The following MYT1L variants were observed in gnomAD, a reference collection of about 807,000 sequenced individuals.
MYT1L encodes the protein myelin transcription factor 1-like protein.
In MYT1L, 12 loss-of-function variants were observed where a neutral mutation model predicts 126.7. The observed-to-expected ratio is 0.09, with a 90% CI of 0.06 to 0.15. MYT1L has a LOEUF of 0.15. Among genes scored for constraint, MYT1L ranks in the 10% least tolerant of loss-of-function variants. The probability of loss-of-function intolerance (pLI) is 1.00; values close to 1 mark genes in which losing one functional copy is unlikely to be tolerated. For missense variants in MYT1L, 979 were observed against 1,585.2 expected (o/e 0.62, Z 6.49); for synonymous variants, 541 against 604.2 (o/e 0.90, Z 1.53).
chr2:1,960,339 C>A (rs556947019), intron 8 of MYT1L, among the ~76,000 whole-genome samples: 2 of 152,206 alleles, frequency 1.3e-5, no homozygotes, highest in Non-Finnish European at 2.9e-5. Context: ...CATGAAAATA[C>A]CAAGGACAGG....
chr2:2,302,432 A>G (rs1418329612), intron 1 of MYT1L, among the ~76,000 whole-genome samples: 1 of 152,162 alleles, frequency 6.6e-6, no homozygotes, highest in African/African-American at 2.4e-5. Context: ...TGAGCTTTGA[A>G]AATGTGGGGC....
At chr2:1,905,335 TAGTC>T (rs2050903948) in intron 13 of MYT1L, among the ~76,000 whole-genome samples, 1 of 152,052 alleles carries the variant, frequency 6.6e-6, no homozygotes, top group African/African-American at 2.4e-5. Context: ...GTTAGGTTCA[TAGTC>T]AGCTTAGGAA....
intron 19 of MYT1L, among the ~76,000 whole-genome samples, chr2:1,844,468 T>C (rs1174932254): frequency 6.6e-6 from 1 of 152,198 alleles, no homozygotes; most frequent in Non-Finnish European, 1.5e-5. Flanking sequence ...GTACTTGCTA[T>C]GGACCCCAGA....
At chr2:2,208,668 A>C (rs763106029) in intron 2 of MYT1L, among the ~76,000 whole-genome samples, 7 of 152,236 alleles carry the variant, frequency 4.6e-5, no homozygotes, top group Non-Finnish European at 1.0e-4. Context: ...ATGTTTTAAA[A>C]GTGAGAGATA....
intron 21 of MYT1L, among the ~76,000 whole-genome samples, chr2:1,810,775 C>A (rs1300897796): frequency 6.6e-6 from 1 of 152,098 alleles, no homozygotes; most frequent in Non-Finnish European, 1.5e-5. Context: ...TTGGGGAAAT[C>A]CTATCTTTGT....
chr2:2,146,178 T>C (rs1185302126), intron 3 of MYT1L, among the ~76,000 whole-genome samples: 2 of 152,266 alleles, frequency 1.3e-5, no homozygotes, highest in Non-Finnish European at 2.9e-5. Context: ...AAATAATGTT[T>C]ACAAAATATT....
intron 2 of MYT1L, among the ~76,000 whole-genome samples, chr2:2,254,700 C>T (rs542272314): frequency 1.3e-4 from 20 of 151,970 alleles, no homozygotes; most frequent in Non-Finnish European, 2.4e-4. Flanking sequence ...CAGAAAGATG[C>T]GAAATGTTCA....
intron 18 of MYT1L, among the ~76,000 whole-genome samples, chr2:1,857,841 T>A (rs893829060): frequency 6.0e-5 from 9 of 151,170 alleles, no homozygotes; most frequent in East Asian, 3.9e-4. Context: ...GTAAAAAAAA[T>A]TTTTTAAAAT....
At chr2:1,796,926 G>A (rs567366726) in intron 23 of MYT1L, among the ~76,000 whole-genome samples, 8 of 152,280 alleles carry the variant, frequency 5.3e-5, no homozygotes, top group African/African-American at 1.9e-4. Context: ...CCTCCTCAGC[G>A]GCAGTTTTGT....
chr2:2,004,051 A>ATGCC (rs1251854172), intron 4 of MYT1L, among the ~76,000 whole-genome samples: 1 of 146,064 alleles, frequency 6.8e-6, no homozygotes, highest in African/African-American at 2.6e-5. Context: ...TCTTTCCTGC[A>ATGCC]TACTTTCCTG....
In MYT1L at chr2:1,877,229, G is replaced by A. The variant is rs146669623; in HGVS notation, c.2711+9310C>T. Reference sequence around the variant, plus strand: ...CTGGTGCTGGAGACTTTTATCACTTGTTGGCTATGATGGAAGCTGCAAAAA... The same window carrying A: ...CTGGTGCTGGAGACTTTTATCACTTATTGGCTATGATGGAAGCTGCAAAAA... On this transcript the variant is annotated intron_variant, in intron 18 of 24. Transcript: ENST00000647738. 4.7e-4 allele frequency among the ~76,000 whole-genome samples: 72 copies of A among 152,282 alleles called. No homozygotes were observed. The East Asian group carries it at 0.013, about 28-fold the overall frequency.
At chr2:2,217,334 G>A (rs1175154939) in intron 2 of MYT1L, among the ~76,000 whole-genome samples, 1 of 152,106 alleles carries the variant, frequency 6.6e-6, no homozygotes, top group East Asian at 1.9e-4. Flanking sequence ...CTTAATCAAG[G>A]TTAATTTAGA....
chr2:1,957,975 A>C (rs940683485), intron 8 of MYT1L, among the ~76,000 whole-genome samples: 7 of 152,166 alleles, frequency 4.6e-5, no homozygotes, highest in Non-Finnish European at 8.8e-5. Flanking sequence ...CCAAGCAGGG[A>C]GTGTCTGATA....
chr2:1,981,734 C>T (rs530469241), intron 5 of MYT1L, among the ~76,000 whole-genome samples: 11 of 152,264 alleles, frequency 7.2e-5, no homozygotes, highest in South Asian at 2.1e-4. Flanking sequence ...AACAAGTTAA[C>T]GGCAGCTTGA....
intron 18 of MYT1L, among the ~76,000 whole-genome samples, chr2:1,861,618 G>T: frequency 6.6e-6 from 1 of 151,878 alleles, no homozygotes; most frequent in East Asian, 1.9e-4. Flanking sequence ...TGTAATCCTA[G>T]ATCTGCCTGC....
chr2:2,057,018 A>G (rs2150123969), intron 3 of MYT1L, among the ~76,000 whole-genome samples: 1 of 152,344 alleles, frequency 6.6e-6, no homozygotes, highest in South Asian at 2.1e-4. Flanking sequence ...CACCCGTCTC[A>G]GTGTCCGCCA....
intron 21 of MYT1L, chr2:1,827,983 G>A (rs189658982): frequency 6.6e-5 from 10 of 152,296 alleles, no homozygotes; most frequent in African/African-American, 2.4e-4. Context: ...GTCTTGTCCT[G>A]GATCGCACGG....
chr2:2,150,475 C>A (rs2085575225), intron 3 of MYT1L, among the ~76,000 whole-genome samples: 1 of 152,170 alleles, frequency 6.6e-6, no homozygotes, highest in African/African-American at 2.4e-5. Flanking sequence ...GTTTAACTTG[C>A]AAAGTACAGT....
In MYT1L at chr2:1,929,292, C is replaced by T. The variant is rs529579108; in HGVS notation, c.506-6029G>A. On this transcript the variant is annotated intron_variant, in intron 9 of 24. Coordinates refer to ENST00000647738, the MANE Select transcript of MYT1L (RefSeq NM_001303052.2). The surrounding 1 kb of genome is among the most constrained non-coding windows in gnomAD (Gnocchi z 4.7). ...GCCTGGCTCCGGGATCAGCTATTCT[C>T]ACTTCCAGCACGAGATCCCCGCACC... is the stretch of plus-strand genomic sequence containing the variant. Among the ~76,000 whole-genome samples, 4 of 152,268 alleles carry T rather than the reference C, an allele frequency of 2.6e-5. No homozygotes were observed. The highest frequency in any genetic ancestry group is 1.9e-4 in the East Asian group (1 of 5,158).
Sources: gnomAD v4.1 joint callset for allele counts (sites outside exome capture counted in the v4.1 genomes callset) on GRCh38, gnomAD v4.1.1 for gene constraint, Gnocchi (gnomAD v3.1) non-coding constraint, MANE v1.5 for transcripts, NCBI Gene and HGNC (gene_info 2026-07-23, HGNC 2026-07-21) for gene names.